Variants in OSBPL9 observed in about 807,000 individuals in gnomAD.
OSBPL9 encodes oxysterol-binding protein-related protein 9.
In OSBPL9, 40 loss-of-function variants were observed where a neutral mutation model predicts 106.6. The observed-to-expected ratio is 0.38, with a 90% CI of 0.29 to 0.49. OSBPL9 has a LOEUF of 0.49. Among genes scored for constraint, OSBPL9 ranks in the 20% least tolerant of loss-of-function variants. The probability of loss-of-function intolerance (pLI) is 0.97; values close to 1 mark genes in which losing one functional copy is unlikely to be tolerated. For missense variants in OSBPL9, 609 were observed against 887.2 expected, an observed-to-expected ratio of 0.69 and a Z score of 3.98; for synonymous variants, 269 against 295.4, an observed-to-expected ratio of 0.91 and a Z score of 0.92.
chr1:51,716,342 C>T (rs1661047377), intron 4 of OSBPL9, among the ~76,000 whole-genome samples: 1 of 152,230 alleles, frequency 6.6e-6, no homozygotes, highest in Non-Finnish European at 1.5e-5. Flanking sequence ...GAGCCCACCA[C>T]TTACATTTAA....
chr1:51,691,296 T>TTTC (rs1466069879), intron 3 of OSBPL9, among the ~76,000 whole-genome samples: 1 of 148,606 alleles, frequency 6.7e-6, no homozygotes, highest in East Asian at 1.9e-4. Context: ...TTTTTTTTTT[T>TTTC]TGAGATGGAG....
At chr1:51,553,274 G>A in the OSBPL9 span, among the ~76,000 whole-genome samples, 1 of 152,100 alleles carries the variant, frequency 6.6e-6, no homozygotes. Context: ...ACTTTGGGAG[G>A]CTGAGGCAGG....
chr1:51,692,706 A>C (rs1655232631), intron 3 of OSBPL9, among the ~76,000 whole-genome samples: 1 of 128,446 alleles, frequency 7.8e-6, no homozygotes, highest in South Asian at 2.3e-4. Flanking sequence ...TATGTCACTC[A>C]GGCTGGAGTA....
the OSBPL9 span, among the ~76,000 whole-genome samples, chr1:51,551,171 G>A: frequency 6.6e-6 from 1 of 152,110 alleles, no homozygotes; most frequent in African/African-American, 2.4e-5. Flanking sequence ...TCCCCAAATT[G>A]TACCAACCTC....
intron 3 of OSBPL9, among the ~76,000 whole-genome samples, chr1:51,677,893 G>A (rs1165075653): frequency 6.6e-6 from 1 of 151,986 alleles, no homozygotes; most frequent in Non-Finnish European, 1.5e-5. Flanking sequence ...AATAATTTCA[G>A]CTGGGCACAG....
At chr1:51,748,452 G>C in intron 7 of OSBPL9, 54 bp downstream of exon 7, 1 of 1,415,484 alleles carries the variant, frequency 7.1e-7, no homozygotes, top group Non-Finnish European at 9.3e-7. Context: ...GTTTTAAAAA[G>C]TTATTTCTAT....
At chr1:51,764,060 A>T (rs1056805076) in intron 11 of OSBPL9, among the ~76,000 whole-genome samples, 2 of 152,330 alleles carry the variant, frequency 1.3e-5, no homozygotes, top group African/African-American at 4.8e-5. Flanking sequence ...ATTTAAAATT[A>T]AATTCCTGTG....
upstream of OSBPL9, among the ~76,000 whole-genome samples, chr1:51,614,804 TACTC>T (rs1644014367): frequency 6.6e-6 from 1 of 152,232 alleles, no homozygotes; most frequent in South Asian, 2.1e-4. Flanking sequence ...CTACTATTGT[TACTC>T]ACATTTTAAA....
intron 4 of OSBPL9, among the ~76,000 whole-genome samples, chr1:51,718,175 A>G (rs1004937342): frequency 6.6e-6 from 1 of 152,204 alleles, no homozygotes; most frequent in African/African-American, 2.4e-5. Flanking sequence ...TCATGGAGCT[A>G]GAGAATAGAA....
chr1:51,617,187 T>C lies in OSBPL9; in HGVS notation c.77T>C (p.Leu26Pro), dbSNP rs1644090863. The C allele has an allele frequency of 6.2e-7, 1 of 1,613,524 alleles. No individual in the cohort carries two copies. The highest frequency in any genetic ancestry group is 8.5e-7 in the Non-Finnish European group (1 of 1,179,856). ...MKGWQYRWFV[L>P]DYNAGLLSYY... ...GGCTGGCAGTACCGTTGGTTCGTGC[T>C]GGACTACAATGCAGGACTGCTCTCC... Residue 26 changes from leucine to proline, a missense_variant, in exon 1 of 24, where the codon CTG becomes CCG. By Grantham distance (98) the Leu-to-Pro change is moderately conservative. Coordinates refer to ENST00000428468, the MANE Select transcript of OSBPL9 (RefSeq NM_024586.6).
chr1:51,540,903 C>G, the OSBPL9 span, among the ~76,000 whole-genome samples: 13 of 146,640 alleles, frequency 8.9e-5, no homozygotes, highest in East Asian at 1.4e-3. Context: ...AGGCTGCAGT[C>G]AGCCAAGATA....
At chr1:51,534,537 A>G in the OSBPL9 span, among the ~76,000 whole-genome samples, 1 of 152,108 alleles carries the variant, frequency 6.6e-6, no homozygotes, top group African/African-American at 2.4e-5. Context: ...GTTGGATAGG[A>G]TCAGAACTAT....
At chr1:51,533,280 G>A in the OSBPL9 span, among the ~76,000 whole-genome samples, 3 of 151,870 alleles carry the variant, frequency 2.0e-5, no homozygotes, top group Non-Finnish European at 4.4e-5. Context: ...TCAGGAGTTC[G>A]AGACCAGCCT....
chr1:51,678,906 A>G (rs1651911203), intron 3 of OSBPL9, among the ~76,000 whole-genome samples: 1 of 152,244 alleles, frequency 6.6e-6, no homozygotes, highest in Admixed American at 6.5e-5. Flanking sequence ...CACTATCACT[A>G]GTAAACAGAG....
chr1:51,669,352 T>G, intron 2 of OSBPL9, 82 bp from the exon 3 acceptor site: 7 of 1,152,176 alleles, frequency 6.1e-6, no homozygotes, highest in South Asian at 1.4e-5. Context: ...GTTGGTGCAT[T>G]GAGTATTCCA....
In OSBPL9 at chr1:51,736,206, G is replaced by C. The variant is rs367761440; in HGVS notation, c.319-9330G>C. Among the ~76,000 whole-genome samples, 26 of 152,254 alleles carry C rather than the reference G, an allele frequency of 1.7e-4. No individual in the cohort carries two copies. The East Asian group carries it at 4.1e-3, about 24-fold the overall frequency. On this transcript the variant is annotated intron_variant, in intron 4 of 23. Transcript: ENST00000428468. ...ATTGGCTTGTATTTTATATCATCTTGATAGATTCTGACAATTAAACTAAAT... is the reference window on the plus strand; with the variant it reads ...ATTGGCTTGTATTTTATATCATCTTCATAGATTCTGACAATTAAACTAAAT...
In OSBPL9 at chr1:51,580,311, A is replaced by G. The variant is rs990540204; in HGVS notation, c.-423+3055A>G. On this transcript the variant is annotated intron_variant, in intron 1 of 25. Coordinates refer to the OSBPL9 transcript ENST00000371714. The stretch of plus-strand genomic sequence containing the variant: ...GTTCTCATTTATAAATAAGGATTAT[A>G]TTTAAACTCTTTAAAGAAAGGAATT... Among the ~76,000 whole-genome samples, 3 of 152,364 alleles carry G rather than the reference A, an allele frequency of 2.0e-5. No homozygotes were observed. The East Asian group carries it at 5.8e-4, about 29-fold the overall frequency.
At chr1:51,540,804 C>CA in the OSBPL9 span, among the ~76,000 whole-genome samples, 21 of 150,090 alleles carry the variant, frequency 1.4e-4, no homozygotes, top group Non-Finnish European at 2.5e-4. Context: ...ACTAAAAATA[C>CA]AAAAATTAGC....
intron 2 of OSBPL9, 107 bp downstream of exon 2, chr1:51,652,148 G>T: frequency 1.3e-6 from 1 of 779,636 alleles, no homozygotes; most frequent in Non-Finnish European, 2.0e-6. Flanking sequence ...CATAATTGTT[G>T]GGGCAGGTAT....
Sources: gnomAD v4.1 joint callset for allele counts (sites outside exome capture counted in the v4.1 genomes callset) on GRCh38, gnomAD v4.1.1 for gene constraint, MANE v1.5 for transcripts, NCBI Gene and HGNC (gene_info 2026-07-23, HGNC 2026-07-21) for gene names.